CNTN4: variants seen among roughly 807,000 people sequenced by gnomAD.
CNTN4 encodes contactin-4.
CNTN4 carries 77 observed loss-of-function variants against 122.5 expected under a neutral mutation model. That is an observed-to-expected ratio of 0.63 (90% CI 0.52 to 0.76). CNTN4 has a LOEUF of 0.76. Among genes scored for constraint, CNTN4 ranks in the 30% least tolerant of loss-of-function variants. The pLI is 0.00. For synonymous variants in CNTN4, 512 were observed against 447.0 expected, an observed-to-expected ratio of 1.15 and a Z score of -1.83; for missense variants, 1,256 against 1,259.1, an observed-to-expected ratio of 1.00 and a Z score of 0.04.
At chr3:3,040,370 C>G in intron 20 of CNTN4, 99 bp downstream of exon 20, 3 of 884,770 alleles carry the variant, frequency 3.4e-6, no homozygotes, top group Non-Finnish European at 5.5e-6. Flanking sequence ...GTACATGTAT[C>G]TTGAAGGCAT....
At chr3:2,767,463 G>A (rs774509080) in intron 6 of CNTN4, among the ~76,000 whole-genome samples, 1 of 152,186 alleles carries the variant, frequency 6.6e-6, no homozygotes, top group Non-Finnish European at 1.5e-5. Flanking sequence ...GGACTAGTTA[G>A]TGTATCCTGA....
chr3:2,737,645 A>G (rs561576894), intron 5 of CNTN4, among the ~76,000 whole-genome samples: 2 of 152,372 alleles, frequency 1.3e-5, no homozygotes, highest in Admixed American at 1.3e-4. Context: ...GAAAGAAGTA[A>G]GCTGAACAAT....
In CNTN4 at chr3:2,765,137, A is replaced by C. The variant is rs547551764; in HGVS notation, c.358+19440A>C. Among the ~76,000 whole-genome samples, 35 of 152,156 alleles carry C rather than the reference A, an allele frequency of 2.3e-4. 1 individual carries two copies. The South Asian group carries it at 3.5e-3, about 15-fold the overall frequency. ...TTCTAAATGCCGTACTGTCAACTAA[A>C]CTCCACTTGCATCCATAGGTGAAAA... On this transcript the variant is annotated intron_variant, in intron 6 of 24. Transcript: ENST00000418658.
chr3:2,698,046 A>C (rs538216943), intron 4 of CNTN4, among the ~76,000 whole-genome samples: 19 of 152,338 alleles, frequency 1.2e-4, no homozygotes, highest in Middle Eastern at 6.8e-3. Flanking sequence ...AAGCCAAGTT[A>C]ACACATGAAA....
chr3:2,658,317 C>G lies in CNTN4; in HGVS notation c.56-77898C>G, dbSNP rs187755995. Among the ~76,000 whole-genome samples, 65 of 152,000 alleles carry G rather than the reference C, an allele frequency of 4.3e-4. No homozygotes were observed. In the East Asian group the frequency reaches 8.6e-3, roughly 20 times the overall value. On this transcript the variant is annotated intron_variant, in intron 4 of 24. Transcript: ENST00000418658. Reference sequence around the variant, plus strand: ...TTTTCTTCCTTTCACCCAATAAAACCCTGTCTTACTCACACTTCAAACCGT... The same window carrying G: ...TTTTCTTCCTTTCACCCAATAAAACGCTGTCTTACTCACACTTCAAACCGT...
intron 4 of CNTN4, among the ~76,000 whole-genome samples, chr3:2,573,139 G>T: frequency 6.6e-6 from 1 of 152,198 alleles, no homozygotes; most frequent in Admixed American, 6.5e-5. Context: ...TGTTCATAGC[G>T]TATGGTCTTT....
chr3:2,320,793 G>A (rs555228900), intron 2 of CNTN4, among the ~76,000 whole-genome samples: 1 of 152,176 alleles, frequency 6.6e-6, no homozygotes, highest in African/African-American at 2.4e-5. Context: ...TGCACATTTG[G>A]TTGATAATTT....
intron 2 of CNTN4, among the ~76,000 whole-genome samples, chr3:2,175,447 T>G (rs1445636625): frequency 1.3e-5 from 2 of 152,244 alleles, no homozygotes; most frequent in Non-Finnish European, 2.9e-5. Context: ...TGTTATGACA[T>G]GCATTTCAAA....
chr3:2,518,330 AT>A (rs1199662012), intron 3 of CNTN4, among the ~76,000 whole-genome samples: 2 of 151,888 alleles, frequency 1.3e-5, no homozygotes, highest in African/African-American at 2.4e-5. Context: ...TTATAATAGG[AT>A]TTTTTTTCCA....
chr3:2,534,710 T>C (rs1259627510), intron 3 of CNTN4, among the ~76,000 whole-genome samples: 1 of 151,088 alleles, frequency 6.6e-6, no homozygotes, highest in Non-Finnish European at 1.5e-5. Flanking sequence ...GAAGTTTTAA[T>C]TGCTTACACT....
rs1019767465 is a variant in CNTN4 at position 2,853,568 on chromosome 3, A to G, written c.455-13184A>G. Among the ~76,000 whole-genome samples, 14 of 152,080 alleles carry G rather than the reference A, an allele frequency of 9.2e-5. No homozygotes were observed. In the East Asian group the frequency reaches 2.7e-3, roughly 29 times the overall value. ...TAATTTATTGATTTTTTTTCAAAGC[A>G]TATTACCTGAATAGAATATTTCTTC... On this transcript the variant is annotated intron_variant, in intron 7 of 24. Coordinates refer to ENST00000418658, the MANE Select transcript of CNTN4 (RefSeq NM_175607.3).
chr3:3,040,893 C>T (rs1436668151), intron 20 of CNTN4, among the ~76,000 whole-genome samples: 1 of 151,448 alleles, frequency 6.6e-6, no homozygotes, highest in Non-Finnish European at 1.5e-5. Context: ...CACCACTGCA[C>T]TCCAGCCTGG....
intron 2 of CNTN4, among the ~76,000 whole-genome samples, chr3:2,323,639 C>T (rs1324884908): frequency 6.6e-6 from 1 of 152,124 alleles, no homozygotes; most frequent in Admixed American, 6.5e-5. Flanking sequence ...AATTAAGTTT[C>T]TTTGATGCTT....
chr3:2,505,048 A>G (rs984425499), intron 3 of CNTN4, among the ~76,000 whole-genome samples: 11 of 152,216 alleles, frequency 7.2e-5, no homozygotes, highest in African/African-American at 2.7e-4. Context: ...AGTATAGACC[A>G]TGTGGTAAAT....
At chr3:2,234,497 T>C (rs764243152) in intron 2 of CNTN4, among the ~76,000 whole-genome samples, 10 of 152,174 alleles carry the variant, frequency 6.6e-5, no homozygotes, top group Non-Finnish European at 1.0e-4. Flanking sequence ...CTGATTTGAC[T>C]TTATTCCTGA....
chr3:2,480,852 G>T (rs118185224), intron 3 of CNTN4, among the ~76,000 whole-genome samples: 2 of 152,184 alleles, frequency 1.3e-5, no homozygotes, highest in Admixed American at 6.5e-5. Context: ...AAGAAATGCT[G>T]TATAGCTACA....
rs1248008840 is a variant in CNTN4, at chr3:2,157,455, G to A, written c.-145+56816G>A. 3.3e-5 allele frequency among the ~76,000 whole-genome samples: 5 copies of A among 152,126 alleles called. 1 individual carries two copies. In the South Asian group the frequency reaches 1.0e-3, roughly 31 times the overall value. On this transcript the variant is annotated intron_variant, in intron 2 of 24. Coordinates refer to ENST00000418658, the MANE Select transcript of CNTN4 (RefSeq NM_175607.3). The stretch of plus-strand genomic sequence containing the variant: ...TCTGAGGAAAAGATATCTGGCTTAG[G>A]GAAGGAGTTCCTGGAGTCAATGGAG...
intron 3 of CNTN4, among the ~76,000 whole-genome samples, chr3:2,350,649 A>G (rs2044575599): frequency 6.6e-6 from 1 of 152,164 alleles, no homozygotes; most frequent in African/African-American, 2.4e-5. Context: ...GGGCCTAAAT[A>G]CCTTGTAATG....
chr3:2,734,844 C>T (rs991274663), intron 4 of CNTN4, among the ~76,000 whole-genome samples: 2 of 152,010 alleles, frequency 1.3e-5, no homozygotes, highest in Non-Finnish European at 2.9e-5. Flanking sequence ...CAATTCTTGC[C>T]CTTCAAAATA....
Sources: allele counts gnomAD v4.1 joint callset (sites outside exome capture counted in the v4.1 genomes callset), GRCh38; gene constraint gnomAD v4.1.1; transcripts MANE v1.5; gene names NCBI Gene and HGNC (gene_info 2026-07-23, HGNC 2026-07-21).